CRACDL: variants seen among roughly 807,000 people sequenced by gnomAD.
CRACDL encodes the protein CRACD-like protein.
In CRACDL, 26 loss-of-function variants were observed where a neutral mutation model predicts 70.6. That is an observed-to-expected ratio of 0.37 (90% CI 0.27 to 0.51). The LOEUF is 0.51. Ranked by LOEUF, CRACDL falls within the 20% of genes least tolerant of loss-of-function variation. The pLI, the probability that CRACDL is intolerant of heterozygous loss-of-function variation, is 0.94. For missense variants in CRACDL, 1,283 were observed against 1,376.9 expected (o/e 0.93, Z 1.08); for synonymous variants, 618 against 615.2 (o/e 1.00, Z -0.07).
chr2:98,900,140 G>A (rs563202273), intron 1 of CRACDL, among the ~76,000 whole-genome samples: 3 of 144,536 alleles, frequency 2.1e-5, no homozygotes, highest in South Asian at 4.8e-4. Flanking sequence ...GAGGCAGGGG[G>A]ACAGAGGCTC....
At chr2:98,843,811 T>C (rs1706135337) in intron 2 of CRACDL, among the ~76,000 whole-genome samples, 1 of 152,224 alleles carries the variant, frequency 6.6e-6, no homozygotes, top group Admixed American at 6.5e-5. Flanking sequence ...TTCAACTTTA[T>C]GTTTTTTCAA....
intron 7 of CRACDL, 90 bp from the exon 8 acceptor site, chr2:98,797,627 T>C: frequency 7.7e-7 from 1 of 1,299,974 alleles, no homozygotes; most frequent in East Asian, 2.3e-5. Flanking sequence ...ACACTACTGC[T>C]TTGGTTCAGG....
At chr2:98,899,688 G>A (rs1478339704) in intron 1 of CRACDL, among the ~76,000 whole-genome samples, 1 of 152,284 alleles carries the variant, frequency 6.6e-6, no homozygotes, top group Non-Finnish European at 1.5e-5. Context: ...TGAAAGGCCA[G>A]GGTGGCCTGA....
chr2:98,867,041 C>T (rs1707174937), intron 1 of CRACDL, among the ~76,000 whole-genome samples: 1 of 152,120 alleles, frequency 6.6e-6, no homozygotes, highest in African/African-American at 2.4e-5. Context: ...TGGTTTACTT[C>T]CCCAGGCTTC....
rs79251302 is a variant in CRACDL, at chr2:98,843,623, A to T, written c.70+3108T>A. On this transcript the variant is annotated intron_variant, in intron 2 of 9. Transcript: ENST00000397899. Reference sequence around the variant, plus strand: ...TTACAGCACCATTTGTTGGAATATTATCTTTTATCCAATGAATTGATTTTG... The same window carrying T: ...TTACAGCACCATTTGTTGGAATATTTTCTTTTATCCAATGAATTGATTTTG... Among the ~76,000 whole-genome samples, 153 of 152,316 alleles carry T rather than the reference A, an allele frequency of 1.0e-3. 4 individuals are homozygous for T. The East Asian group carries it at 0.019, about 19-fold the overall frequency.
At chr2:98,819,431 G>C (rs1425365093) in intron 7 of CRACDL, among the ~76,000 whole-genome samples, 1 of 152,210 alleles carries the variant, frequency 6.6e-6, no homozygotes, top group African/African-American at 2.4e-5. Context: ...CTCTACAATA[G>C]CTTCAATAAC....
chr2:98,862,239 C>A (rs1312989403), intron 1 of CRACDL, among the ~76,000 whole-genome samples: 5 of 152,166 alleles, frequency 3.3e-5, no homozygotes, highest in Non-Finnish European at 5.9e-5. Flanking sequence ...TGATCATCAG[C>A]ACTAAGACTG....
chr2:98,870,564 C>T (rs533019068), intron 1 of CRACDL, among the ~76,000 whole-genome samples: 5 of 152,024 alleles, frequency 3.3e-5, no homozygotes, highest in Non-Finnish European at 5.9e-5. Context: ...CCCCTGTATC[C>T]TGGGAGGTGG....
At chr2:98,891,767 T>C (rs1383584272) in intron 1 of CRACDL, among the ~76,000 whole-genome samples, 3 of 152,178 alleles carry the variant, frequency 2.0e-5, no homozygotes, top group African/African-American at 7.2e-5. Context: ...CTTTTCCACA[T>C]TGTGAAAGCT....
chr2:98,876,077 T>G (rs1707482580), intron 1 of CRACDL, among the ~76,000 whole-genome samples: 1 of 152,226 alleles, frequency 6.6e-6, no homozygotes, highest in Non-Finnish European at 1.5e-5. Flanking sequence ...TGTGCTCCAG[T>G]GATCTCCCTG....
chr2:98,902,619 C>T (rs1016910854), intron 1 of CRACDL, among the ~76,000 whole-genome samples: 6 of 152,168 alleles, frequency 3.9e-5, no homozygotes, highest in African/African-American at 1.2e-4. Flanking sequence ...AGGTGGGGAT[C>T]GCTGGCTACT....
chr2:98,852,724 A>G (rs1035553707), intron 1 of CRACDL, among the ~76,000 whole-genome samples: 3 of 152,182 alleles, frequency 2.0e-5, no homozygotes, highest in Admixed American at 2.0e-4. Flanking sequence ...GATTGAAGAC[A>G]TCAAAAGAAA....
intron 7 of CRACDL, among the ~76,000 whole-genome samples, chr2:98,803,991 C>A (rs1425147775): frequency 6.6e-6 from 1 of 152,176 alleles, no homozygotes; most frequent in Non-Finnish European, 1.5e-5. Context: ...CCTAGATAAA[C>A]AGCTTGAGGG....
rs2104526966 is a variant in CRACDL at position 98,842,789 on chromosome 2, T to G, written c.70+3942A>C. On this transcript the variant is annotated intron_variant, in intron 2 of 9. Transcript: ENST00000397899. ...GAACTCCATTGTGTGGATATACCAG[T>G]TTGTTGAACCATTTCAACCTGCTGA... Among the ~76,000 whole-genome samples the G allele has an allele frequency of 2.0e-5, 3 of 152,312 alleles. 1 individual carries two copies. The highest frequency in any genetic ancestry group is 3.4e-3 in the Middle Eastern group (1 of 294).
chr2:98,927,913 G>A (rs1052523407), intron 1 of CRACDL, among the ~76,000 whole-genome samples: 1 of 151,520 alleles, frequency 6.6e-6, no homozygotes, highest in African/African-American at 2.5e-5. Flanking sequence ...AGGTGCAGTG[G>A]CTCATGCCTG....
chr2:98,823,637 C>CT lies in CRACDL; in HGVS notation c.736-101_736-100insA. On this transcript the variant is annotated intron_variant, in intron 6 of 9. Coordinates refer to ENST00000397899, the MANE Select transcript of CRACDL (RefSeq NM_207362.3). The surrounding 1 kb of genome is among the most constrained non-coding windows in gnomAD (Gnocchi z 4.0). ...AAGGCTTATAATGGTTTAGTGATAG[C>CT]AGCACTATAAAGCTGGCACTTAAGT... 5 of 1,409,480 alleles carry CT rather than the reference C, an allele frequency of 3.5e-6. No individual in the cohort carries two copies. Among genetic ancestry groups the CT allele is most frequent in the Non-Finnish European group, 4.8e-6 (5 of 1,034,194 alleles). 87.3% of individuals were successfully genotyped at this position (1,409,480 alleles called of 1,614,324 possible). A position where few individuals can be genotyped will look rare whatever the true frequency, so the allele number is the denominator to read the frequency against.
At chr2:98,918,637 T>C (rs1708727066) in intron 1 of CRACDL, among the ~76,000 whole-genome samples, 1 of 151,436 alleles carries the variant, frequency 6.6e-6, no homozygotes, top group Non-Finnish European at 1.5e-5. Flanking sequence ...TCCTTTCTGC[T>C]ATAAGATGAT....
chr2:98,860,686 G>A (rs1706902323), intron 1 of CRACDL, among the ~76,000 whole-genome samples: 1 of 152,200 alleles, frequency 6.6e-6, no homozygotes, highest in Admixed American at 6.5e-5. Context: ...AGGAAAACAG[G>A]AGTAAGCCTG....
At chr2:98,820,328 G>A (rs1049020059) in intron 7 of CRACDL, among the ~76,000 whole-genome samples, 3 of 151,274 alleles carry the variant, frequency 2.0e-5, no homozygotes, top group South Asian at 2.1e-4. Flanking sequence ...TCAGGAGCTC[G>A]AGACCAGCCT....
Sources: gnomAD v4.1 joint callset for allele counts (sites outside exome capture counted in the v4.1 genomes callset) on GRCh38, gnomAD v4.1.1 for gene constraint, Gnocchi (gnomAD v3.1) non-coding constraint, MANE v1.5 for transcripts, NCBI Gene and HGNC (gene_info 2026-07-23, HGNC 2026-07-21) for gene names.